ABTB3: variants seen among roughly 807,000 people sequenced by gnomAD.
ABTB3 encodes ankyrin repeat and BTB domain containing 3, also known as ankyrin repeat- and BTB/POZ domain-containing protein 3.
the ABTB3 span, among the ~76,000 whole-genome samples, chr12:107,493,412 G>A: frequency 2.6e-5 from 4 of 152,186 alleles, no homozygotes; most frequent in Non-Finnish European, 5.9e-5. Context: ...TGCAGGCAAC[G>A]TTTTCCCAGC....
chr12:107,519,424 G>A, the ABTB3 span, among the ~76,000 whole-genome samples: 5 of 149,920 alleles, frequency 3.3e-5, no homozygotes, highest in Non-Finnish European at 5.9e-5. Context: ...TCAGATTCAA[G>A]CAATTCTCCT....
the ABTB3 span, among the ~76,000 whole-genome samples, chr12:107,423,200 C>A: frequency 6.6e-6 from 1 of 152,130 alleles, no homozygotes; most frequent in African/African-American, 2.4e-5. Flanking sequence ...TGTATACTAC[C>A]TGAGGATAAT....
At chr12:107,341,794 A>G in the ABTB3 span, among the ~76,000 whole-genome samples, 2 of 152,080 alleles carry the variant, frequency 1.3e-5, no homozygotes, top group African/African-American at 4.8e-5. Flanking sequence ...TTGGTTTGGC[A>G]CTGTCTTCAC....
chr12:107,452,601 G>C, the ABTB3 span, among the ~76,000 whole-genome samples: 1 of 151,974 alleles, frequency 6.6e-6, no homozygotes, highest in Non-Finnish European at 1.5e-5. Flanking sequence ...CTGTAATCCC[G>C]GGCCAAGGGG....
chr12:107,533,245 C>T, the ABTB3 span, among the ~76,000 whole-genome samples: 1 of 152,056 alleles, frequency 6.6e-6, no homozygotes, highest in Non-Finnish European at 1.5e-5. Flanking sequence ...AAACAATTAA[C>T]AAAATGACAG....
At chr12:107,353,229 T>C in the ABTB3 span, among the ~76,000 whole-genome samples, 4 of 152,144 alleles carry the variant, frequency 2.6e-5, no homozygotes, top group African/African-American at 9.7e-5. Context: ...GAGTACCCAC[T>C]AAGTGCCTGG....
At chr12:107,337,717 A>C in the ABTB3 span, among the ~76,000 whole-genome samples, 1 of 152,226 alleles carries the variant, frequency 6.6e-6, no homozygotes, top group Non-Finnish European at 1.5e-5. Flanking sequence ...GTAAGGGCAC[A>C]GTGTGACACG....
chr12:107,425,215 C>T, the ABTB3 span, among the ~76,000 whole-genome samples: 428 of 152,300 alleles, frequency 2.8e-3, 3 homozygotes, highest in African/African-American at 9.9e-3. Context: ...AGCCCCTCCA[C>T]CGGAGTGCCA....
chr12:107,604,527 C>T, the ABTB3 span, among the ~76,000 whole-genome samples: 3 of 152,118 alleles, frequency 2.0e-5, no homozygotes, highest in African/African-American at 4.8e-5. Flanking sequence ...TGCTCAATAT[C>T]GCTAACTGTC....
At chr12:107,349,068 A>T in the ABTB3 span, among the ~76,000 whole-genome samples, 1 of 152,176 alleles carries the variant, frequency 6.6e-6, no homozygotes, top group East Asian at 1.9e-4. Context: ...TTCTGAGGTC[A>T]CACAGCTAGA....
At chr12:107,651,806 G>C in the ABTB3 span, 1 of 1,598,262 alleles carries the variant, frequency 6.3e-7, no homozygotes, top group Non-Finnish European at 8.6e-7. Flanking sequence ...TCTCATTCTC[G>C]CGCAGTGCGC....
chr12:107,444,105 T>A, the ABTB3 span, among the ~76,000 whole-genome samples: 9 of 152,200 alleles, frequency 5.9e-5, no homozygotes, highest in Non-Finnish European at 1.3e-4. Flanking sequence ...ACAGCCTGAT[T>A]GGCTCAGGAA....
the ABTB3 span, among the ~76,000 whole-genome samples, chr12:107,508,449 T>TTTTGTTTTG: frequency 8.6e-6 from 1 of 116,440 alleles, no homozygotes. Context: ...TTTTTTTTTT[T>TTTTGTTTTG]TTTTTTTTTT....
the ABTB3 span, among the ~76,000 whole-genome samples, chr12:107,462,836 GGTGATGATAATAGTAGTGACC>G: frequency 2.6e-5 from 4 of 151,468 alleles, no homozygotes; most frequent in Admixed American, 2.0e-4. Flanking sequence ...TGATGGTGGT[GGTGATGATAATAGTAGTGACC>G]GTGATGATAA....
At chr12:107,405,351 A>T in the ABTB3 span, among the ~76,000 whole-genome samples, 1 of 152,228 alleles carries the variant, frequency 6.6e-6, no homozygotes. Flanking sequence ...TTGAGTTCCC[A>T]TATCCATTAA....
the ABTB3 span, among the ~76,000 whole-genome samples, chr12:107,632,990 C>T: frequency 3.9e-5 from 6 of 152,230 alleles, no homozygotes; most frequent in Non-Finnish European, 4.4e-5. Context: ...TCCCCCCTCC[C>T]GTCTGAAGTC....
the ABTB3 span, among the ~76,000 whole-genome samples, chr12:107,648,602 T>C: frequency 1.3e-5 from 2 of 152,100 alleles, no homozygotes; most frequent in East Asian, 1.9e-4. Flanking sequence ...ATAAAGAACA[T>C]CCCGACTAGG....
At chr12:107,370,639 T>C in the ABTB3 span, among the ~76,000 whole-genome samples, 9 of 152,154 alleles carry the variant, frequency 5.9e-5, no homozygotes. Flanking sequence ...GCAGCCGTGC[T>C]CTGGACTGGG....
the ABTB3 span, among the ~76,000 whole-genome samples, chr12:107,385,815 G>A: frequency 1.3e-5 from 2 of 152,110 alleles, no homozygotes; most frequent in Non-Finnish European, 2.9e-5. Flanking sequence ...CCTGCTCCTC[G>A]CTGGCCTGGA....
Sources: gnomAD v4.1 joint callset for allele counts (sites outside exome capture counted in the v4.1 genomes callset) on GRCh38, gnomAD v4.1.1 for gene constraint, MANE v1.5 for transcripts, NCBI Gene and HGNC (gene_info 2026-07-23, HGNC 2026-07-21) for gene names.